The following MARCHF1 variants were observed in gnomAD, a reference collection of about 807,000 sequenced individuals.
MARCHF1 encodes E3 ubiquitin-protein ligase MARCHF1.
A neutral mutation model predicts 54.2 loss-of-function variants in MARCHF1; 40 were observed. The ratio of observed to expected loss-of-function variants is 0.74; its 90% CI spans 0.57 to 0.96. MARCHF1 has a LOEUF of 0.96. MARCHF1 is among the 40% of genes least tolerant of loss of function. MARCHF1 has a pLI of 0.00. For missense variants in MARCHF1, 586 were observed against 656.5 expected, an observed-to-expected ratio of 0.89 and a Z score of 1.17; for synonymous variants, 236 against 236.3, an observed-to-expected ratio of 1.00 and a Z score of 0.01.
At chr4:163,931,868 A>G (rs1225920000) in intron 3 of MARCHF1, among the ~76,000 whole-genome samples, 1 of 152,230 alleles carries the variant, frequency 6.6e-6, no homozygotes, top group Admixed American at 6.5e-5. Flanking sequence ...CCAAATCTCC[A>G]TAATGGTATC....
At chr4:163,938,376 C>T (rs998568816) in intron 3 of MARCHF1, among the ~76,000 whole-genome samples, 3 of 152,192 alleles carry the variant, frequency 2.0e-5, no homozygotes, top group Admixed American at 1.3e-4. Context: ...AATGAGGTGA[C>T]TGGCTGGCCC....
chr4:164,050,382 A>G (rs1754338987), intron 2 of MARCHF1, among the ~76,000 whole-genome samples: 1 of 151,120 alleles, frequency 6.6e-6, no homozygotes, highest in Non-Finnish European at 1.5e-5. Flanking sequence ...TCAATAGCAC[A>G]TATCAAAGAC....
intron 1 of MARCHF1, among the ~76,000 whole-genome samples, chr4:164,314,670 C>T (rs780887021): frequency 4.9e-4 from 74 of 152,240 alleles, no homozygotes; most frequent in Non-Finnish European, 9.1e-4. Context: ...TAAACCATTT[C>T]TCAGTCATAT....
chr4:163,655,670 A>G (rs1743112975), intron 5 of MARCHF1, among the ~76,000 whole-genome samples: 1 of 152,008 alleles, frequency 6.6e-6, no homozygotes. Context: ...AACACTCCTC[A>G]GCAAATGCAG....
Position 164,189,847 on chromosome 4 carries a change from G to A in MARCHF1, c.-322-78185C>T, listed in dbSNP as rs1166623779. On this transcript the variant is annotated intron_variant, in intron 1 of 9. Coordinates refer to ENST00000514618, the MANE Select transcript of MARCHF1 (RefSeq NM_001394959.1). ...CTGACTGGAATTCCTCCTGCTCCTC[G>A]TGGGGTCCCACAGATTGAAGTCACC... is the stretch of plus-strand genomic sequence containing the variant. The A allele has an allele frequency of 5.9e-5, 94 of 1,596,782 alleles. No homozygotes were observed. In the East Asian group the frequency reaches 2.0e-3, roughly 34 times the overall value.
At chr4:164,277,370 A>G (rs1274297767) in intron 1 of MARCHF1, among the ~76,000 whole-genome samples, 1 of 152,242 alleles carries the variant, frequency 6.6e-6, no homozygotes, top group East Asian at 1.9e-4. Flanking sequence ...TTGGCTTCAC[A>G]TTGCACTTAA....
At chr4:163,575,518 TTTG>T (rs1454390805) in intron 8 of MARCHF1, among the ~76,000 whole-genome samples, 1 of 152,100 alleles carries the variant, frequency 6.6e-6, no homozygotes, top group African/African-American at 2.4e-5. Flanking sequence ...AGTTTTCTTT[TTTG>T]TTGTGTCTTG....
At chr4:164,041,283 AC>A (rs1754123180) in intron 2 of MARCHF1, among the ~76,000 whole-genome samples, 1 of 152,110 alleles carries the variant, frequency 6.6e-6, no homozygotes, top group African/African-American at 2.4e-5. Context: ...GAACTTCCAT[AC>A]CCTACCAATA....
At chr4:164,030,057 A>G (rs1407136742) in intron 2 of MARCHF1, among the ~76,000 whole-genome samples, 1 of 152,250 alleles carries the variant, frequency 6.6e-6, no homozygotes, top group African/African-American at 2.4e-5. Flanking sequence ...GCGGACAGCT[A>G]TATTTCTTGA....
chr4:163,831,968 G>C (rs567610055), intron 4 of MARCHF1, among the ~76,000 whole-genome samples: 1 of 152,192 alleles, frequency 6.6e-6, no homozygotes, highest in Non-Finnish European at 1.5e-5. Flanking sequence ...GATGGCTCTA[G>C]AGTGCTGGGT....
At chr4:163,908,806 T>G (rs1410106879) in intron 3 of MARCHF1, among the ~76,000 whole-genome samples, 1 of 152,160 alleles carries the variant, frequency 6.6e-6, no homozygotes, top group Non-Finnish European at 1.5e-5. Flanking sequence ...AAGTTAAGAC[T>G]GGATCACTGT....
At chr4:163,769,200 C>T (rs1157021685) in intron 4 of MARCHF1, among the ~76,000 whole-genome samples, 1 of 152,032 alleles carries the variant, frequency 6.6e-6, no homozygotes, top group East Asian at 1.9e-4. Context: ...ATATGTCTAC[C>T]TAAGATTAAG....
intron 4 of MARCHF1, among the ~76,000 whole-genome samples, chr4:163,733,218 T>TATATATAC (rs1561047020): frequency 3.7e-4 from 10 of 27,074 alleles, no homozygotes; most frequent in Non-Finnish European, 9.4e-4. Flanking sequence ...TATATATATA[T>TATATATAC]ATACACGTGT....
At chr4:163,810,353 G>A (rs1462047323) in intron 4 of MARCHF1, among the ~76,000 whole-genome samples, 1 of 152,142 alleles carries the variant, frequency 6.6e-6, no homozygotes, top group Admixed American at 6.5e-5. Context: ...ATTTTAGAAT[G>A]GCCAACAACA....
Position 164,025,653 on chromosome 4 carries a change from T to G in MARCHF1, c.-247-36944A>C, listed in dbSNP as rs114358955. On this transcript the variant is annotated intron_variant, in intron 2 of 9. Coordinates refer to ENST00000514618, the MANE Select transcript of MARCHF1 (RefSeq NM_001394959.1). ...AACAAATTAACAATCTAACTTTGCA[T>G]GTCGAGAAACTAGAAAAAAAACAAC... Among the ~76,000 whole-genome samples the G allele has an allele frequency of 7.1e-3, 1,070 of 150,876 alleles. 10 individuals are homozygous for G. Among genetic ancestry groups the G allele is most frequent in the East Asian group, 0.025 (126 of 5,126 alleles).
At chr4:163,559,828 T>C (rs1739409375) in intron 8 of MARCHF1, among the ~76,000 whole-genome samples, 1 of 152,214 alleles carries the variant, frequency 6.6e-6, no homozygotes, top group Admixed American at 6.5e-5. Context: ...CAATGCCTTC[T>C]ACAATGCCTC....
At chr4:163,766,703 A>G (rs1310757382) in intron 4 of MARCHF1, among the ~76,000 whole-genome samples, 1 of 152,102 alleles carries the variant, frequency 6.6e-6, no homozygotes, top group Non-Finnish European at 1.5e-5. Flanking sequence ...TAAACTACAC[A>G]CCTGATTACA....
chr4:164,139,682 A>G (rs1400156017), intron 1 of MARCHF1, among the ~76,000 whole-genome samples: 1 of 152,196 alleles, frequency 6.6e-6, no homozygotes, highest in African/African-American at 2.4e-5. Context: ...TACTCAGCGC[A>G]GGAGTAGAAA....
At chr4:163,737,313 C>T (rs536802556) in intron 4 of MARCHF1, among the ~76,000 whole-genome samples, 1,836 of 79,366 alleles carry the variant, frequency 0.023, 72 homozygotes, top group African/African-American at 0.064. Context: ...TGCGCTGCAC[C>T]CACTAACGTG....
Sources: gnomAD v4.1 joint callset for allele counts (sites outside exome capture counted in the v4.1 genomes callset) on GRCh38, gnomAD v4.1.1 for gene constraint, MANE v1.5 for transcripts, NCBI Gene and HGNC (gene_info 2026-07-23, HGNC 2026-07-21) for gene names.